The following IGBP1C variants were observed in gnomAD, a reference collection of about 807,000 sequenced individuals.
IGBP1C encodes immunoglobulin-binding protein 1 family member C.
the IGBP1C span, chr17:58,679,522 A>C: frequency 9.2e-4 from 140 of 152,370 alleles, no homozygotes; most frequent in African/African-American, 3.3e-3. Context: ...TAAACAAGCC[A>C]GATCAGGGGA....
the IGBP1C span, among the ~76,000 whole-genome samples, chr17:58,680,092 C>A: frequency 1.3e-5 from 2 of 151,442 alleles, no homozygotes; most frequent in African/African-American, 4.9e-5. Flanking sequence ...TTTTTTTTTC[C>A]CCCCAGAGAC....
chr17:58,691,820 C>T, the IGBP1C span: 1 of 152,172 alleles, frequency 6.6e-6, no homozygotes, highest in African/African-American at 2.4e-5. Flanking sequence ...GCGGTCACTA[C>T]CACTGCTTGA....
At chr17:58,686,480 T>C in the IGBP1C span, among the ~76,000 whole-genome samples, 1 of 152,086 alleles carries the variant, frequency 6.6e-6, no homozygotes, top group Non-Finnish European at 1.5e-5. Context: ...AGTAGGCAAT[T>C]AGATATTTGC....
the IGBP1C span, among the ~76,000 whole-genome samples, chr17:58,667,491 T>C: frequency 1.3e-5 from 2 of 152,224 alleles, no homozygotes; most frequent in Non-Finnish European, 2.9e-5. Context: ...TAACATCTAC[T>C]GTTTACCATG....
the IGBP1C span, among the ~76,000 whole-genome samples, chr17:58,688,178 T>C: frequency 6.6e-6 from 1 of 152,260 alleles, no homozygotes; most frequent in South Asian, 2.1e-4. Flanking sequence ...TGGAGTACAG[T>C]GTCATAATAT....
At chr17:58,682,675 C>T in the IGBP1C span, among the ~76,000 whole-genome samples, 4 of 152,190 alleles carry the variant, frequency 2.6e-5, no homozygotes, top group African/African-American at 9.6e-5. Flanking sequence ...TGCCCGGCTG[C>T]CCAGCCTACA....
chr17:58,688,119 T>A, the IGBP1C span, among the ~76,000 whole-genome samples: 1 of 152,072 alleles, frequency 6.6e-6, no homozygotes, highest in Non-Finnish European at 1.5e-5. Flanking sequence ...ATAGACTTTT[T>A]TTGTTTTGTT....
the IGBP1C span, chr17:58,661,616 C>A: frequency 5.7e-6 from 4 of 699,508 alleles, no homozygotes; most frequent in African/African-American, 3.6e-5. Flanking sequence ...AAGGCTGATG[C>A]GAAATGTTGA....
the IGBP1C span, chr17:58,660,521 G>A: frequency 1.4e-6 from 1 of 727,076 alleles, no homozygotes; most frequent in Non-Finnish European, 2.5e-6. Context: ...AAGGCTGCAT[G>A]GTTTTCCTTG....
chr17:58,664,614 A>G, the IGBP1C span, among the ~76,000 whole-genome samples: 2,787 of 152,282 alleles, frequency 0.018, 85 homozygotes, highest in African/African-American at 0.064. Flanking sequence ...CTGTAGGGAA[A>G]ACAGACTTGC....
the IGBP1C span, among the ~76,000 whole-genome samples, chr17:58,684,709 T>C: frequency 6.6e-6 from 1 of 151,902 alleles, no homozygotes; most frequent in Admixed American, 6.6e-5. Context: ...CCACTTATTT[T>C]TTAAAAACTC....
At chr17:58,668,861 A>G in the IGBP1C span, among the ~76,000 whole-genome samples, 1 of 152,162 alleles carries the variant, frequency 6.6e-6, no homozygotes, top group Non-Finnish European at 1.5e-5. Flanking sequence ...CTGGGGGGTC[A>G]ATATATTACA....
the IGBP1C span, among the ~76,000 whole-genome samples, chr17:58,676,376 C>CA: frequency 6.8e-5 from 10 of 146,412 alleles, no homozygotes; most frequent in South Asian, 2.2e-4. Flanking sequence ...AAATCCATCT[C>CA]AAAAAAAACC....
chr17:58,671,208 A>C, the IGBP1C span, among the ~76,000 whole-genome samples: 2 of 152,100 alleles, frequency 1.3e-5, no homozygotes, highest in African/African-American at 4.8e-5. Flanking sequence ...TATTATTTCA[A>C]TTATTGTAGT....
chr17:58,691,928 T>C, the IGBP1C span: 2 of 152,218 alleles, frequency 1.3e-5, no homozygotes, highest in Non-Finnish European at 1.5e-5. Context: ...ATGGGGACAT[T>C]AGTTGCTTAC....
chr17:58,677,854 T>C, the IGBP1C span: 1 of 152,228 alleles, frequency 6.6e-6, no homozygotes, highest in Non-Finnish European at 1.5e-5. Flanking sequence ...TTTTCCAAAG[T>C]TTAAGAGCCA....
the IGBP1C span, among the ~76,000 whole-genome samples, chr17:58,691,269 C>T: frequency 5.9e-5 from 9 of 152,316 alleles, no homozygotes; most frequent in Admixed American, 5.2e-4. Context: ...TGCTAAAGTG[C>T]TCAACATACG....
chr17:58,676,143 A>G, the IGBP1C span, among the ~76,000 whole-genome samples: 1 of 152,190 alleles, frequency 6.6e-6, no homozygotes, highest in East Asian at 1.9e-4. Flanking sequence ...TGGAAGGCTG[A>G]CGCAGGCAGA....
At chr17:58,678,883 G>A in the IGBP1C span, among the ~76,000 whole-genome samples, 3 of 150,956 alleles carry the variant, frequency 2.0e-5, no homozygotes, top group Admixed American at 6.6e-5. Context: ...GCCAGGCGCC[G>A]TGGCTCACAC....
Sources: gnomAD v4.1 joint callset for allele counts (sites outside exome capture counted in the v4.1 genomes callset) on GRCh38, gnomAD v4.1.1 for gene constraint, MANE v1.5 for transcripts, NCBI Gene and HGNC (gene_info 2026-07-23, HGNC 2026-07-21) for gene names.